Variants in PRKCB observed in about 807,000 individuals in gnomAD.
The protein encoded by PRKCB is protein kinase C beta, also known as protein kinase C beta type.
A neutral mutation model predicts 81.5 loss-of-function variants in PRKCB; 13 were observed. That is an observed-to-expected ratio of 0.16 (90% CI 0.10 to 0.25). The LOEUF is 0.25. Ranked by LOEUF, PRKCB falls within the 10% of genes least tolerant of loss-of-function variation. The pLI is 1.00. For synonymous variants in PRKCB, 335 were observed against 321.4 expected (o/e 1.04, Z -0.45); for missense variants, 509 against 875.7 (o/e 0.58, Z 5.29).
chr16:24,007,863 G>A lies in PRKCB; in HGVS notation c.288+19273G>A, dbSNP rs148628521. 4.4e-3 allele frequency among the ~76,000 whole-genome samples: 676 copies of A among 152,258 alleles called. 4 individuals are homozygous for A. The highest frequency in any genetic ancestry group is 7.2e-3 in the Non-Finnish European group (492 of 68,008). On this transcript the variant is annotated intron_variant, in intron 3 of 16. Transcript: ENST00000643927. ...TAGGCAGCCAGAAAGGATGTGAAAG[G>A]CCCTGGTTCTGGACTCAAGAGACCT...
At chr16:24,114,792 A>G (rs1966717342) in intron 8 of PRKCB, among the ~76,000 whole-genome samples, 1 of 152,198 alleles carries the variant, frequency 6.6e-6, no homozygotes, top group Non-Finnish European at 1.5e-5. Context: ...AATGTATATA[A>G]TAGCATAGCT....
intron 7 of PRKCB, among the ~76,000 whole-genome samples, chr16:24,109,817 A>G (rs984634753): frequency 3.0e-5 from 4 of 134,238 alleles, no homozygotes; most frequent in African/African-American, 1.3e-4. Context: ...CCTGGGCACC[A>G]TTGAGCACTG....
chr16:24,117,832 G>C (rs771937956), intron 8 of PRKCB, among the ~76,000 whole-genome samples: 10 of 152,172 alleles, frequency 6.6e-5, no homozygotes, highest in Non-Finnish European at 1.5e-4. Flanking sequence ...AAGTCAGCGC[G>C]GAATGCATGC....
At chr16:23,962,701 T>C (rs188351419) in intron 2 of PRKCB, among the ~76,000 whole-genome samples, 29 of 152,306 alleles carry the variant, frequency 1.9e-4, no homozygotes, top group African/African-American at 5.8e-4. Flanking sequence ...AGCCTGACAA[T>C]TGAGTCTAGG....
At position 24,175,649 on chromosome 16, in the gene PRKCB, T is replaced by C. The variant is rs565093101; in HGVS notation, c.1394+1069T>C. Among the ~76,000 whole-genome samples the C allele has an allele frequency of 9.9e-5, 15 of 151,668 alleles. No homozygotes were observed. In the East Asian group the frequency reaches 2.7e-3, roughly 28 times the overall value. On this transcript the variant is annotated intron_variant, in intron 12 of 16. Coordinates refer to ENST00000643927, the MANE Select transcript of PRKCB (RefSeq NM_002738.7). ...GGGGTGACTTGAGAGTCCTGGGCCT[T>C]TTGCCTTAACTGCGGGATATGGGAT...
chr16:23,893,285 G>A (rs1963322443), intron 2 of PRKCB: 1 of 152,234 alleles, frequency 6.6e-6, no homozygotes, highest in South Asian at 2.1e-4. Flanking sequence ...CCAATAAATT[G>A]GCCATGGCAT....
rs189187583 is a variant in PRKCB at position 24,004,584 on chromosome 16, G to A, written c.288+15994G>A. On this transcript the variant is annotated intron_variant, in intron 3 of 16. Coordinates refer to ENST00000643927, the MANE Select transcript of PRKCB (RefSeq NM_002738.7). ...GTGGGAGGATCACTTAAGCCTGGGA[G>A]GTGGAGGCTGCAATGAGCTGTGATT... Among the ~76,000 whole-genome samples, 542 of 152,138 alleles carry A rather than the reference G, an allele frequency of 3.6e-3. 5 individuals carry two copies. The highest frequency in any genetic ancestry group is 0.011 in the African/African-American group (460 of 41,498).
In PRKCB at chr16:24,015,697, A is replaced by G. The variant is rs77453742; in HGVS notation, c.289-16439A>G. ...TATCCAGCCGACACTCTCCTTGTAA[A>G]TTCTCTAAGCACTGAGTGTCTCCTT... is the stretch of plus-strand genomic sequence containing the variant. On this transcript the variant is annotated intron_variant, in intron 3 of 16. Transcript: ENST00000643927. Among the ~76,000 whole-genome samples, 3,483 of 152,302 alleles carry G rather than the reference A, an allele frequency of 0.023. 179 individuals carry two copies. The East Asian group carries it at 0.23, about 10-fold the overall frequency.
At chr16:24,130,087 T>A (rs1966851192) in intron 9 of PRKCB, among the ~76,000 whole-genome samples, 1 of 152,228 alleles carries the variant, frequency 6.6e-6, no homozygotes, top group Non-Finnish European at 1.5e-5. Flanking sequence ...TGCAGATAAC[T>A]GCAAATGCAC....
At position 24,131,620 on chromosome 16, in the gene PRKCB, CTT is replaced by C. The variant is rs549651083; in HGVS notation, c.1065+7641_1065+7642del. Among the ~76,000 whole-genome samples, 273 of 152,322 alleles carry C rather than the reference CTT, an allele frequency of 1.8e-3. 1 individual carries two copies. The highest frequency in any genetic ancestry group is 6.2e-3 in the African/African-American group (259 of 41,578). Reference sequence around the variant, plus strand: ...TCGATCATATTTTTCTTTAAAGTGACTTTAACTTGACTTCCTTTTCTTCTTCT... The same window carrying C: ...TCGATCATATTTTTCTTTAAAGTGACTAACTTGACTTCCTTTTCTTCTTCT... On this transcript the variant is annotated intron_variant, in intron 9 of 16. Coordinates refer to ENST00000643927, the MANE Select transcript of PRKCB (RefSeq NM_002738.7).
chr16:24,096,663 AAAAATATATATATATATATAT>A lies in PRKCB; in HGVS notation c.821+2368_821+2388del, dbSNP rs1159436948. ...CTCCCTTCCTATGGCAAAAAAAAAAAAAAATATATATATATATATATATATATATATATATATATATATCCT... is the reference window on the plus strand; with the variant it reads ...CTCCCTTCCTATGGCAAAAAAAAAAAATATATATATATATATATATATCCT... On this transcript the variant is annotated intron_variant, in intron 7 of 16. Transcript: ENST00000643927. Among the ~76,000 whole-genome samples the A allele has an allele frequency of 2.6e-4, 13 of 49,660 alleles. No individual in the cohort carries two copies. In the South Asian group the frequency reaches 5.7e-3, roughly 22 times the overall value. The allele number at this position is 49,660 out of a possible 152,430, so 32.6% of individuals were successfully genotyped here.
chr16:23,886,874 C>T (rs1236493852), intron 2 of PRKCB, among the ~76,000 whole-genome samples: 1 of 152,148 alleles, frequency 6.6e-6, no homozygotes, highest in African/African-American at 2.4e-5. Flanking sequence ...GTCCCTCCTT[C>T]CCACTTTCCT....
intron 15 of PRKCB, 23 bp from the exon 16 acceptor site, chr16:24,191,067 C>G: frequency 6.2e-7 from 1 of 1,608,682 alleles, no homozygotes; most frequent in Non-Finnish European, 8.5e-7. Context: ...TCAGCAAATT[C>G]AATGTTTTTC....
chr16:24,018,811 C>T (rs140751312), intron 3 of PRKCB, among the ~76,000 whole-genome samples: 4 of 152,310 alleles, frequency 2.6e-5, no homozygotes, highest in East Asian at 1.9e-4. Flanking sequence ...AATGAAAGAT[C>T]GTCACCAAAT....
chr16:23,875,781 G>A (rs76612777), intron 2 of PRKCB, among the ~76,000 whole-genome samples: 9,305 of 48,800 alleles, frequency 0.19, 2,875 homozygotes, highest in East Asian at 0.63. Flanking sequence ...ACATATATGT[G>A]TGTATATCAC....
chr16:24,042,463 C>T (rs905939865), intron 5 of PRKCB, among the ~76,000 whole-genome samples: 1 of 152,130 alleles, frequency 6.6e-6, no homozygotes, highest in Non-Finnish European at 1.5e-5. Context: ...TTATTTTGAA[C>T]TAAGTTGAAA....
intron 5 of PRKCB, among the ~76,000 whole-genome samples, chr16:24,074,752 CTG>C (rs1308741189): frequency 6.6e-6 from 1 of 152,132 alleles, no homozygotes; most frequent in Non-Finnish European, 1.5e-5. Context: ...GGAGGGAAAT[CTG>C]TAAGGAGGCT....
At chr16:23,908,945 C>T (rs1048853820) in intron 2 of PRKCB, among the ~76,000 whole-genome samples, 2 of 152,356 alleles carry the variant, frequency 1.3e-5, no homozygotes, top group Non-Finnish European at 2.9e-5. Flanking sequence ...CCTCCATAAA[C>T]GCTGTCCAGT....
chr16:23,964,487 T>A (rs1381151242), intron 2 of PRKCB, among the ~76,000 whole-genome samples: 3 of 152,330 alleles, frequency 2.0e-5, no homozygotes, highest in Admixed American at 2.0e-4. Flanking sequence ...CAGCCTCTGG[T>A]CTAGAACATT....
Sources: allele counts gnomAD v4.1 joint callset (sites outside exome capture counted in the v4.1 genomes callset), GRCh38; gene constraint gnomAD v4.1.1; transcripts MANE v1.5; gene names NCBI Gene and HGNC (gene_info 2026-07-23, HGNC 2026-07-21).